Variants in DPT observed in about 807,000 individuals in gnomAD.
The protein encoded by DPT is dermatopontin, also known as tyrosine-rich acidic matrix protein.
Under a neutral mutation model 31.2 loss-of-function variants are expected in DPT, and 21 were observed. That is an observed-to-expected ratio of 0.67 (90% confidence interval 0.48 to 0.97). The LOEUF (loss-of-function observed/expected upper bound fraction) is 0.97. Among genes scored for constraint, DPT ranks in the 50% least tolerant of loss-of-function variants. DPT has a pLI of 0.00. For missense variants in DPT, 262 were observed against 258.8 expected, an observed-to-expected ratio of 1.01 and a Z score of -0.08; for synonymous variants, 91 against 86.9, an observed-to-expected ratio of 1.05 and a Z score of -0.26.
Position 168,695,679 on chromosome 1 carries a change from G to C in DPT, c.*870C>G, listed in dbSNP as rs1649451192. Reference sequence around the variant, plus strand: ...GCCAGTAGCTCCCCAGGGTTCCAGGGTGTCTGCCAGCCTTCCTAGGAATCG... The same window carrying C: ...GCCAGTAGCTCCCCAGGGTTCCAGGCTGTCTGCCAGCCTTCCTAGGAATCG... On this transcript the variant is annotated 3_prime_UTR_variant, in exon 4 of 4. Coordinates refer to ENST00000367817, the MANE Select transcript of DPT (RefSeq NM_001937.5). 6.6e-6 allele frequency: 1 copy of C among 152,260 alleles called. No individual in the cohort carries two copies. Among genetic ancestry groups the C allele is most frequent in the African/African-American group, 2.4e-5 (1 of 41,434 alleles). The allele number at this position is 152,260 out of a possible 1,614,324, so 9.4% of individuals were successfully genotyped here. A position where few individuals can be genotyped will look rare whatever the true frequency, so the allele number is the denominator to read the frequency against.
At chr1:168,698,712 C>G (rs945482518) in intron 3 of DPT, among the ~76,000 whole-genome samples, 1 of 151,850 alleles carries the variant, frequency 6.6e-6, no homozygotes. Context: ...AAGGACAGAC[C>G]CTGAAACAAA....
chr1:168,717,004 G>A (rs1200169062), intron 1 of DPT, among the ~76,000 whole-genome samples: 2 of 152,180 alleles, frequency 1.3e-5, no homozygotes, highest in Admixed American at 1.3e-4. Context: ...AAATAGTGCT[G>A]CAGTAAACAT....
chr1:168,702,020 G>C (rs576062632), intron 2 of DPT, among the ~76,000 whole-genome samples: 4 of 151,570 alleles, frequency 2.6e-5, no homozygotes, highest in South Asian at 2.1e-4. Context: ...CATATGAGTA[G>C]GTCCATGGTA....
intron 2 of DPT, among the ~76,000 whole-genome samples, chr1:168,711,418 G>C (rs567997762): frequency 1.3e-5 from 2 of 152,224 alleles, no homozygotes; most frequent in African/African-American, 4.8e-5. Context: ...GTTCTGTTTG[G>C]GCAGGGGCCA....
At chr1:168,700,342 C>A (rs891383684) in intron 3 of DPT, among the ~76,000 whole-genome samples, 1 of 152,174 alleles carries the variant, frequency 6.6e-6, no homozygotes. Flanking sequence ...GCACCTTGAT[C>A]TTGGACTTTC....
Position 168,695,883 on chromosome 1 carries a change from T to G in DPT, c.*666A>C. 3.4e-6 allele frequency: 1 copy of G among 294,664 alleles called. No homozygotes were observed. Among genetic ancestry groups the G allele is most frequent in the Non-Finnish European group, 6.3e-6 (1 of 159,548 alleles). The allele number at this position is 294,664 out of a possible 1,614,324, so 18.3% of individuals were successfully genotyped here. A position where few individuals can be genotyped will look rare whatever the true frequency, so the allele number is the denominator to read the frequency against. ...CGGGTTCCCCTGGCCCCTGCACTCA[T>G]TTTCCTTACTGGGTATGCTAACGTT... On this transcript the variant is annotated 3_prime_UTR_variant, in exon 4 of 4. Coordinates refer to ENST00000367817, the MANE Select transcript of DPT (RefSeq NM_001937.5).
In DPT at chr1:168,696,173, C is replaced by T; in HGVS notation, c.*376G>A. On this transcript the variant is annotated 3_prime_UTR_variant, in exon 4 of 4. Transcript: ENST00000367817. The stretch of plus-strand genomic sequence containing the variant: ...TCACTGCACCTCTCCTCCAGTTCTG[C>T]CTCTCCCCTCCACTATGCTGAACTT... 2.4e-6 allele frequency: 1 copy of T among 418,884 alleles called. No individual in the cohort carries two copies. Among genetic ancestry groups the T allele is most frequent in the Non-Finnish European group, 4.2e-6 (1 of 238,242 alleles). 25.9% of individuals were successfully genotyped at this position (418,884 alleles called of 1,614,324 possible).
chr1:168,701,264 C>A, intron 2 of DPT, 140 bp from the exon 3 acceptor site: 1 of 668,702 alleles, frequency 1.5e-6, no homozygotes. Context: ...ATCCACCAAA[C>A]AACTCCAGGC....
At chr1:168,696,722 G>T in intron 3 of DPT, 107 bp from the exon 4 acceptor site, 2 of 992,188 alleles carry the variant, frequency 2.0e-6, no homozygotes, top group Non-Finnish European at 3.0e-6. Context: ...TCTGGGAACT[G>T]AAGGGACACT....
chr1:168,711,789 C>T (rs975384975), intron 2 of DPT, among the ~76,000 whole-genome samples: 34 of 152,156 alleles, frequency 2.2e-4, no homozygotes, highest in African/African-American at 7.2e-4. Flanking sequence ...TGATCATAGA[C>T]AGTGGCAAGG....
intron 2 of DPT, among the ~76,000 whole-genome samples, chr1:168,702,877 G>T (rs1649634058): frequency 6.6e-6 from 1 of 152,140 alleles, no homozygotes; most frequent in African/African-American, 2.4e-5. Context: ...CTCCCAAAGT[G>T]CCGGGATTAC....
rs558471767 is a variant in DPT, at chr1:168,717,340, A to G, written c.306-2994T>C. Among the ~76,000 whole-genome samples the G allele has an allele frequency of 1.1e-3, 174 of 152,238 alleles. 1 individual carries two copies. Among genetic ancestry groups the G allele is most frequent in the Admixed American group, 2.1e-3 (32 of 15,278 alleles). ...GCTTTTTTTCATATGTTTGTTGGCC[A>G]CATAAATGTCTTCTTTTGAGAAGTG... On this transcript the variant is annotated intron_variant, in intron 1 of 3. Transcript: ENST00000367817.
intron 1 of DPT, among the ~76,000 whole-genome samples, chr1:168,728,543 A>G (rs1572635285): frequency 6.6e-6 from 1 of 152,208 alleles, no homozygotes; most frequent in Non-Finnish European, 1.5e-5. Flanking sequence ...GTTTCTGTAC[A>G]TATCTTTTGG....
At position 168,701,387 on chromosome 1, in the gene DPT, A is replaced by G. The variant is rs114168608; in HGVS notation, c.432-263T>C. Among the ~76,000 whole-genome samples the G allele has an allele frequency of 3.3e-3, 498 of 152,294 alleles. 2 individuals carry two copies. The highest frequency in any genetic ancestry group is 0.017 in the Middle Eastern group (5 of 294). ...CCCAGGCTTTGGAATTATCAAAATA[A>G]CTTTGGAATTCTTGATATTGATTAA... On this transcript the variant is annotated intron_variant, in intron 2 of 3. Coordinates refer to ENST00000367817, the MANE Select transcript of DPT (RefSeq NM_001937.5).
At chr1:168,711,517 G>C (rs556547688) in intron 2 of DPT, among the ~76,000 whole-genome samples, 9 of 152,144 alleles carry the variant, frequency 5.9e-5, no homozygotes, top group Non-Finnish European at 1.0e-4. Context: ...GAGGAATGTT[G>C]CTGCCTCAGC....
intron 1 of DPT, among the ~76,000 whole-genome samples, chr1:168,714,982 C>T (rs558361625): frequency 1.3e-5 from 2 of 152,282 alleles, no homozygotes; most frequent in Non-Finnish European, 2.9e-5. Flanking sequence ...AAGCTCTACA[C>T]AGCCATGGCA....
intron 2 of DPT, among the ~76,000 whole-genome samples, chr1:168,706,141 G>A (rs2101901923): frequency 6.6e-6 from 1 of 152,274 alleles, no homozygotes; most frequent in South Asian, 2.1e-4. Context: ...ACATCATGAT[G>A]GCCAATATAG....
intron 1 of DPT, among the ~76,000 whole-genome samples, chr1:168,721,551 T>C (rs138319658): frequency 6.9e-4 from 105 of 152,278 alleles, no homozygotes; most frequent in African/African-American, 2.5e-3. Flanking sequence ...ATTGAACTTC[T>C]CCAATTAGAC....
At position 168,698,779 on chromosome 1, in the gene DPT, G is replaced by A. The variant is rs551863647; in HGVS notation, c.540-2164C>T. 3.3e-5 allele frequency among the ~76,000 whole-genome samples: 5 copies of A among 152,274 alleles called. No homozygotes were observed. The East Asian group carries it at 9.6e-4, about 29-fold the overall frequency. Reference sequence around the variant, plus strand: ...TAGATGGAACAACAGCATTCTAAGAGGAAACCACTATGATTTGCATGTGGA... The same window carrying A: ...TAGATGGAACAACAGCATTCTAAGAAGAAACCACTATGATTTGCATGTGGA... On this transcript the variant is annotated intron_variant, in intron 3 of 3. Transcript: ENST00000367817.
Sources: allele counts gnomAD v4.1 joint callset (sites outside exome capture counted in the v4.1 genomes callset), GRCh38; gene constraint gnomAD v4.1.1; transcripts MANE v1.5; gene names NCBI Gene and HGNC (gene_info 2026-07-23, HGNC 2026-07-21).